Variants in LRRC4C observed in about 807,000 individuals in gnomAD.
The protein encoded by LRRC4C is leucine-rich repeat-containing protein 4C.
LRRC4C carries 5 observed loss-of-function variants against 33.6 expected under a neutral mutation model. The observed-to-expected ratio is 0.15, with a 90% CI of 0.08 to 0.31. The LOEUF is 0.31. LRRC4C is among the 10% of genes least tolerant of loss of function. The pLI is 1.00. For synonymous variants in LRRC4C, 329 were observed against 302.0 expected, an observed-to-expected ratio of 1.09 and a Z score of -0.93; for missense variants, 560 against 796.7, an observed-to-expected ratio of 0.70 and a Z score of 3.58.
rs1946461190 is a variant in LRRC4C at position 40,333,670 on chromosome 11, T to C, written c.-269-13949A>G. Among the ~76,000 whole-genome samples, 3 of 132,532 alleles carry C rather than the reference T, an allele frequency of 2.3e-5. No homozygotes were observed. In the Admixed American group the frequency reaches 2.8e-4, roughly 12 times the overall value. 86.9% of individuals were successfully genotyped at this position (132,532 alleles called of 152,430 possible). On this transcript the variant is annotated intron_variant, in intron 3 of 6. Transcript: ENST00000528697. ...AGGCGGAGGTTGCAGTGAGCTGACA[T>C]GGCGCCATTGCACTCCAGCCAGTGG...
At position 40,124,076 on chromosome 11, in the gene LRRC4C, A is replaced by T. The variant is rs892098796; in HGVS notation, c.-42-7742T>A. On this transcript the variant is annotated intron_variant, in intron 6 of 6. Transcript: ENST00000528697. ...ACTAGACCTCTATCTCTGGTCGTGT[A>T]AAAAAATCAAAATGGATTAAAGACT... 6.1e-5 allele frequency among the ~76,000 whole-genome samples: 9 copies of T among 148,664 alleles called. No individual in the cohort carries two copies. The Middle Eastern group carries it at 0.01, about 169-fold the overall frequency.
In LRRC4C at chr11:40,896,539, T is replaced by C. The variant is rs551527976; in HGVS notation, c.-407+37096A>G. ...GAAATTTGGGTCTGTACAATTAGAA[T>C]ATTTTTTTTTTTAGATTTTATTTTA... On this transcript the variant is annotated intron_variant, in intron 2 of 6. Coordinates refer to ENST00000528697, the MANE Select transcript of LRRC4C (RefSeq NM_001258419.2). Among the ~76,000 whole-genome samples, 18 of 75,892 alleles carry C rather than the reference T, an allele frequency of 2.4e-4. No individual in the cohort carries two copies. The South Asian group carries it at 6.3e-3, about 27-fold the overall frequency. 49.8% of individuals were successfully genotyped at this position (75,892 alleles called of 152,430 possible). A position where few individuals can be genotyped will look rare whatever the true frequency, so the allele number is the denominator to read the frequency against.
chr11:40,726,960 T>C (rs979035634), intron 2 of LRRC4C, among the ~76,000 whole-genome samples: 6 of 152,158 alleles, frequency 3.9e-5, no homozygotes, highest in South Asian at 4.1e-4. Flanking sequence ...TGTACATCAA[T>C]AATTTTGAAA....
intron 2 of LRRC4C, among the ~76,000 whole-genome samples, chr11:40,786,957 C>T (rs2137332504): frequency 6.6e-6 from 1 of 152,190 alleles, no homozygotes. Context: ...TTGGTTCCTC[C>T]CTTGAGAAAT....
chr11:41,418,887 G>C (rs1014884619), intron 1 of LRRC4C, among the ~76,000 whole-genome samples: 5 of 151,992 alleles, frequency 3.3e-5, no homozygotes, highest in African/African-American at 1.2e-4. Context: ...GTGGAAAGTA[G>C]TGTATGAATT....
At chr11:40,176,090 G>A (rs1860459527) in intron 5 of LRRC4C, among the ~76,000 whole-genome samples, 1 of 152,156 alleles carries the variant, frequency 6.6e-6, no homozygotes, top group Admixed American at 6.6e-5. Context: ...TAGGGAGAAT[G>A]AGATGACATA....
intron 2 of LRRC4C, among the ~76,000 whole-genome samples, chr11:40,810,966 C>G (rs1383102131): frequency 2.0e-5 from 3 of 152,116 alleles, no homozygotes; most frequent in Admixed American, 6.6e-5. Flanking sequence ...GAATAAAATT[C>G]AAACTCTTCC....
chr11:40,664,331 G>T (rs1278172709), intron 2 of LRRC4C, among the ~76,000 whole-genome samples: 1 of 152,134 alleles, frequency 6.6e-6, no homozygotes, highest in Non-Finnish European at 1.5e-5. Context: ...GATCGCCTGA[G>T]GTCAGGAGTT....
intron 2 of LRRC4C, among the ~76,000 whole-genome samples, chr11:40,865,872 C>T (rs1004502398): frequency 6.0e-5 from 9 of 151,258 alleles, no homozygotes; most frequent in Non-Finnish European, 1.2e-4. Context: ...ATTTAAAGTA[C>T]ATTATTAATA....
intron 5 of LRRC4C, among the ~76,000 whole-genome samples, chr11:40,165,374 AGTGT>A (rs773875447): frequency 2.0e-4 from 31 of 152,028 alleles, no homozygotes; most frequent in Admixed American, 7.2e-4. Flanking sequence ...TGAGTGGCAG[AGTGT>A]GTGTATGTGT....
At chr11:40,611,724 C>G (rs1397886287) in intron 3 of LRRC4C, among the ~76,000 whole-genome samples, 2 of 151,490 alleles carry the variant, frequency 1.3e-5, no homozygotes, top group African/African-American at 4.8e-5. Context: ...AGACCTTTCT[C>G]AAAAAAAGAC....
intron 3 of LRRC4C, among the ~76,000 whole-genome samples, chr11:40,346,681 CA>C (rs1947146779): frequency 6.6e-6 from 1 of 152,206 alleles, no homozygotes; most frequent in Non-Finnish European, 1.5e-5. Context: ...CAAACCTGCA[CA>C]TGTGCCCCTG....
intron 3 of LRRC4C, among the ~76,000 whole-genome samples, chr11:40,460,790 G>A (rs1483484499): frequency 1.3e-5 from 2 of 152,006 alleles, no homozygotes; most frequent in Non-Finnish European, 2.9e-5. Flanking sequence ...AACACCATGA[G>A]GCATATATGA....
intron 1 of LRRC4C, among the ~76,000 whole-genome samples, chr11:40,963,518 A>G (rs1033384326): frequency 4.6e-5 from 7 of 151,754 alleles, no homozygotes; most frequent in Non-Finnish European, 8.8e-5. Context: ...TTTCAACAAC[A>G]ATGCTTCCCC....
chr11:41,131,189 G>A lies in LRRC4C; in HGVS notation c.-495-197466C>T, dbSNP rs189561118. 8.3e-3 allele frequency among the ~76,000 whole-genome samples: 1,262 copies of A among 152,024 alleles called. 26 individuals carry two copies. Among genetic ancestry groups the A allele is most frequent in the African/African-American group, 0.029 (1,194 of 41,494 alleles). On this transcript the variant is annotated intron_variant, in intron 1 of 6. Transcript: ENST00000528697. ...GAAAGCAAAGATTTTTCAGCAACGT[G>A]AAAAATTGTGCCTTACAGAAAGCAG...
At chr11:40,313,695 C>G (rs566489568) in intron 4 of LRRC4C, among the ~76,000 whole-genome samples, 1 of 145,004 alleles carries the variant, frequency 6.9e-6, no homozygotes, top group Non-Finnish European at 1.5e-5. Context: ...GCAAGCTCCA[C>G]CTTCCGGGTT....
intron 1 of LRRC4C, among the ~76,000 whole-genome samples, chr11:41,300,170 G>A (rs1169634946): frequency 6.6e-6 from 1 of 152,084 alleles, no homozygotes; most frequent in African/African-American, 2.4e-5. Context: ...GTGTCACTGG[G>A]GAAATTATTT....
chr11:41,054,861 A>C (rs1209765147), intron 1 of LRRC4C, among the ~76,000 whole-genome samples: 1 of 152,234 alleles, frequency 6.6e-6, no homozygotes, highest in African/African-American at 2.4e-5. Flanking sequence ...CTGAACTATC[A>C]TGAGAGCATG....
In LRRC4C at chr11:40,176,930, CTTT is replaced by C. The variant is rs36015905; in HGVS notation, c.-95-36080_-95-36078del. On this transcript the variant is annotated intron_variant, in intron 5 of 6. Coordinates refer to ENST00000528697, the MANE Select transcript of LRRC4C (RefSeq NM_001258419.2). ...GTTTCTACTTTTGTTCTGCCAGAGT[CTTT>C]TTTTTTTTTTTTTTTTTTGAGATGG... 6.5e-3 allele frequency among the ~76,000 whole-genome samples: 535 copies of C among 82,596 alleles called. 4 individuals are homozygous for C. The highest frequency in any genetic ancestry group is 0.026 in the African/African-American group (516 of 19,842). 54.2% of individuals were successfully genotyped at this position (82,596 alleles called of 152,430 possible). A position where few individuals can be genotyped will look rare whatever the true frequency, so the allele number is the denominator to read the frequency against.
Sources: gnomAD v4.1 joint callset for allele counts (sites outside exome capture counted in the v4.1 genomes callset) on GRCh38, gnomAD v4.1.1 for gene constraint, MANE v1.5 for transcripts, NCBI Gene and HGNC (gene_info 2026-07-23, HGNC 2026-07-21) for gene names.